The following PDLIM1 variants were observed in gnomAD, a reference collection of about 807,000 sequenced individuals.
The protein encoded by PDLIM1 is PDZ and LIM domain protein 1.
A neutral mutation model predicts 35.2 loss-of-function variants in PDLIM1; 25 were observed. That is an observed-to-expected ratio of 0.71 (90% CI 0.52 to 0.99). The LOEUF (loss-of-function observed/expected upper bound fraction) is 0.99, where lower values mean the gene tolerates loss of function less well. Among genes scored for constraint, PDLIM1 ranks in the 50% least tolerant of loss-of-function variants. The pLI is 0.00. For synonymous variants in PDLIM1, 152 were observed against 154.0 expected (o/e 0.99, Z 0.10); for missense variants, 363 against 415.3 (o/e 0.87, Z 1.09).
At chr10:95,281,068 A>G (rs912326659) in intron 1 of PDLIM1, among the ~76,000 whole-genome samples, 3 of 152,188 alleles carry the variant, frequency 2.0e-5, no homozygotes, top group African/African-American at 7.2e-5. Flanking sequence ...ACACCAAGAG[A>G]GATGATGACT....
intron 4 of PDLIM1, among the ~76,000 whole-genome samples, chr10:95,257,038 G>GAAAGAAAGAAAGAAAAGAAAGAGAAAAAT (rs1440640324): frequency 7.7e-6 from 1 of 129,770 alleles, no homozygotes; most frequent in African/African-American, 3.0e-5. Flanking sequence ...AAGAAAGAAA[G>GAAAGAAAGAAAGAAAAGAAAGAGAAAAAT]AATTCAAAAT....
At chr10:95,244,895 G>A (rs963036199) in intron 5 of PDLIM1, among the ~76,000 whole-genome samples, 4 of 151,914 alleles carry the variant, frequency 2.6e-5, no homozygotes, top group Admixed American at 6.6e-5. Flanking sequence ...GCAAGACCCT[G>A]TCTCAAACAA....
chr10:95,258,420 A>C (rs946777361), intron 4 of PDLIM1, among the ~76,000 whole-genome samples: 4 of 152,010 alleles, frequency 2.6e-5, no homozygotes, highest in African/African-American at 9.7e-5. Context: ...AGAATTGCTT[A>C]AACCTGGAGG....
Position 95,238,764 on chromosome 10 carries a change from TAA to T in PDLIM1, c.686-81_686-80del. 7.0e-6 allele frequency: 6 copies of T among 859,708 alleles called. No homozygotes were observed. The South Asian group carries it at 8.3e-5, about 12-fold the overall frequency. 53.3% of individuals were successfully genotyped at this position (859,708 alleles called of 1,614,324 possible). ...TCACTCAGCTCTTCAGAACCACTTA[TAA>T]ATATATGTTCAAGCAAGGCCATGGG... On this transcript the variant is annotated intron_variant, in intron 5 of 6. Coordinates refer to ENST00000329399, the MANE Select transcript of PDLIM1 (RefSeq NM_020992.4).
intron 6 of PDLIM1, among the ~76,000 whole-genome samples, chr10:95,238,331 A>G (rs1454978103): frequency 6.8e-6 from 1 of 147,488 alleles, no homozygotes; most frequent in Non-Finnish European, 1.5e-5. Context: ...TCCTACTTCA[A>G]CAGGGCAGCC....
intron 3 of PDLIM1, among the ~76,000 whole-genome samples, chr10:95,267,708 TAC>T (rs1327161198): frequency 6.6e-6 from 1 of 152,224 alleles, no homozygotes; most frequent in African/African-American, 2.4e-5. Flanking sequence ...CACACTAATA[TAC>T]CAAGTGAGTT....
At chr10:95,261,304 G>C (rs2035360528) in intron 4 of PDLIM1, among the ~76,000 whole-genome samples, 1 of 152,148 alleles carries the variant, frequency 6.6e-6, no homozygotes, top group African/African-American at 2.4e-5. Context: ...TCATTTCCTG[G>C]GTTACTAAGT....
chr10:95,264,760 C>G (rs113514243), intron 3 of PDLIM1, among the ~76,000 whole-genome samples: 20 of 151,958 alleles, frequency 1.3e-4, no homozygotes, highest in African/African-American at 4.3e-4. Context: ...TCCCCTCTTT[C>G]TGTAATTTGA....
intron 4 of PDLIM1, among the ~76,000 whole-genome samples, chr10:95,262,825 T>TC (rs1346862604): frequency 2.0e-5 from 3 of 152,142 alleles, no homozygotes; most frequent in African/African-American, 7.2e-5. Context: ...ACTGGGCCCC[T>TC]CTGCTGGCAA....
rs143935421 is a variant in PDLIM1, at chr10:95,287,165, G to A, written c.96+3655C>T. 1.1e-3 allele frequency among the ~76,000 whole-genome samples: 168 copies of A among 152,310 alleles called. 1 individual carries two copies. The highest frequency in any genetic ancestry group is 3.7e-3 in the African/African-American group (152 of 41,560). On this transcript the variant is annotated intron_variant, in intron 1 of 6. Transcript: ENST00000329399. ...CCCTCTCTCCTTAAGTCAGCTGTGAGCAGCTGAAGTCGCTAATATTTCCCA... is the reference window on the plus strand; with the variant it reads ...CCCTCTCTCCTTAAGTCAGCTGTGAACAGCTGAAGTCGCTAATATTTCCCA...
At chr10:95,242,024 T>A (rs2035182546) in intron 5 of PDLIM1, among the ~76,000 whole-genome samples, 1 of 152,092 alleles carries the variant, frequency 6.6e-6, no homozygotes, top group East Asian at 1.9e-4. Context: ...GACTTAGGCT[T>A]CCCCCCTCAG....
chr10:95,238,522 A>C, intron 6 of PDLIM1, 46 bp downstream of exon 6: 1 of 1,190,516 alleles, frequency 8.4e-7, no homozygotes, highest in South Asian at 1.2e-5. Context: ...TTCATGGTTT[A>C]CCCAACCTGC....
intron 4 of PDLIM1, among the ~76,000 whole-genome samples, chr10:95,256,972 C>T (rs1383241429): frequency 1.7e-4 from 6 of 36,032 alleles, no homozygotes; most frequent in Admixed American, 1.3e-3. Context: ...GAGACTTCAT[C>T]TTAAAAAAAA....
In PDLIM1 at chr10:95,237,965, G is replaced by C. The variant is rs902059987; in HGVS notation, c.950C>G (p.Pro317Arg). 2 of 1,614,164 alleles carry C rather than the reference G, an allele frequency of 1.2e-6. No homozygotes were observed. The highest frequency in any genetic ancestry group is 1.7e-6 in the Non-Finnish European group (2 of 1,180,026). ...AGTGACCACTTCATAACCCTCAGGT[G>C]GTGTGACTCGCTCCCGGGCATGCTT... ...CEKHARERVT[P>R]PEGYEVVTVF... Residue 317 changes from proline (P) to arginine (R), a missense_variant, in exon 7 of 7, where the codon CCA becomes CGA. By Grantham distance (103) the Pro-to-Arg change is moderately radical. Coordinates refer to ENST00000329399, the MANE Select transcript of PDLIM1 (RefSeq NM_020992.4).
At chr10:95,241,365 G>A (rs1363499238) in intron 5 of PDLIM1, among the ~76,000 whole-genome samples, 1 of 152,154 alleles carries the variant, frequency 6.6e-6, no homozygotes, top group African/African-American at 2.4e-5. Flanking sequence ...GCAACAAGGG[G>A]CATTTAGAAT....
intron 1 of PDLIM1, among the ~76,000 whole-genome samples, chr10:95,281,391 C>T (rs1464528042): frequency 2.6e-5 from 4 of 152,090 alleles, no homozygotes; most frequent in African/African-American, 7.2e-5. Flanking sequence ...CTAGTCCGGG[C>T]AACACAGTGG....
chr10:95,268,526 G>A (rs1417067113), intron 3 of PDLIM1, among the ~76,000 whole-genome samples: 2 of 152,156 alleles, frequency 1.3e-5, no homozygotes, highest in African/African-American at 2.4e-5. Context: ...GGCTTCCACC[G>A]GCTTCCCTTA....
In PDLIM1 at chr10:95,263,865, G is replaced by A; in HGVS notation, c.532C>T (p.Pro178Ser). ...GAGGAGGACTCCTGGGCTACTTACG[G>A]TCTGCTGTTCGCCTCCACCCCGCTG... ...AASGVEANSR[P>S]LDHAQPPSSL... The change falls in exon 4 of 7, where the codon CCC becomes TCC. Residue 178 changes from proline to serine, a missense_variant and splice_region_variant. Transcript: ENST00000329399. The A allele has an allele frequency of 6.2e-7, 1 of 1,609,772 alleles. No homozygotes were observed. Among genetic ancestry groups the A allele is most frequent in the Non-Finnish European group, 8.5e-7 (1 of 1,177,736 alleles).
Position 95,247,284 on chromosome 10 carries a change from A to T in PDLIM1, c.616T>A (p.Leu206Met). ...VYKMLQEKQE[L>M]NEPPKQSTSF... ...GTGGACTGTTTCGGGGGCTCATTCA[A>T]CTCCTGTTTCTCCTGAAGCATCTTG... is the stretch of plus-strand genomic sequence containing the variant. The change falls in exon 5 of 7, where the codon TTG becomes ATG. Residue 206 changes from leucine (L) to methionine (M), a missense_variant. Transcript: ENST00000329399. 1 of 1,613,890 alleles carries T rather than the reference A, an allele frequency of 6.2e-7. No homozygotes were observed. Among genetic ancestry groups the T allele is most frequent in the Non-Finnish European group, 8.5e-7 (1 of 1,179,912 alleles).
Sources: allele counts gnomAD v4.1 joint callset (sites outside exome capture counted in the v4.1 genomes callset), GRCh38; gene constraint gnomAD v4.1.1; transcripts MANE v1.5; gene names NCBI Gene and HGNC (gene_info 2026-07-23, HGNC 2026-07-21).